The following RASGRF1 variants were observed in gnomAD, a reference collection of about 807,000 sequenced individuals.
The protein encoded by RASGRF1 is Ras protein specific guanine nucleotide releasing factor 1, also known as ras-specific guanine nucleotide-releasing factor 1.
A neutral mutation model predicts 138.7 loss-of-function variants in RASGRF1; 40 were observed. The ratio of observed to expected loss-of-function variants is 0.29; its 90% CI spans 0.22 to 0.38. The LOEUF is 0.38. Ranked by LOEUF, RASGRF1 falls within the 10% of genes least tolerant of loss-of-function variation. RASGRF1 has a pLI of 1.00. For missense variants in RASGRF1, 1,108 were observed against 1,650.4 expected (o/e 0.67, Z 5.69); for synonymous variants, 614 against 663.2 (o/e 0.93, Z 1.14).
chr15:78,962,134 G>GGGCAC lies in RASGRF1; in HGVS notation c.*9_*10insGTGCC. On this transcript the variant is annotated 3_prime_UTR_variant, in exon 27 of 27. Transcript: ENST00000558480. ...CCCCGGGAGCAGCTGGGTCTGGGCT[G>GGGCAC]GGCTCAGCTTCAGGTGGGGAGTTTT... 6.6e-7 allele frequency: 1 copy of GGGCAC among 1,519,110 alleles called. No individual in the cohort carries two copies. The highest frequency in any genetic ancestry group is 9.1e-7 in the Non-Finnish European group (1 of 1,104,340). The allele number at this position is 1,519,110 out of a possible 1,614,324, so 94.1% of individuals were successfully genotyped here. A position where few individuals can be genotyped will look rare whatever the true frequency, so the allele number is the denominator to read the frequency against.
intron 24 of RASGRF1, chr15:78,978,601 G>A (rs2055935006): frequency 1.0e-6 from 1 of 992,440 alleles, no homozygotes; most frequent in Admixed American, 5.9e-5. Context: ...ACATGGTGAG[G>A]CCCATAGCAG....
rs79589049 is a variant in RASGRF1, at chr15:78,961,861, G to C, written c.*283C>G. On this transcript the variant is annotated 3_prime_UTR_variant, in exon 27 of 27. Coordinates refer to ENST00000558480, the MANE Select transcript of RASGRF1 (RefSeq NM_001145648.3). Reference sequence around the variant, plus strand: ...TAAGATTCTTGTATGCAAGGGTGCTGTTTCCCCTCTGAGAAGAGTGAGGAG... The same window carrying C: ...TAAGATTCTTGTATGCAAGGGTGCTCTTTCCCCTCTGAGAAGAGTGAGGAG... 7.3e-3 allele frequency: 2,342 copies of C among 320,798 alleles called. 65 individuals are homozygous for C. The highest frequency in any genetic ancestry group is 0.046 in the African/African-American group (2,121 of 46,296). 19.9% of individuals were successfully genotyped at this position (320,798 alleles called of 1,614,324 possible).
chr15:79,041,342 A>T (rs1239318207), intron 5 of RASGRF1, among the ~76,000 whole-genome samples: 1 of 152,234 alleles, frequency 6.6e-6, no homozygotes, highest in Non-Finnish European at 1.5e-5. Flanking sequence ...GTGCTCCCAG[A>T]ATTGTGCAGT....
Position 78,999,686 on chromosome 15 carries a change from C to G in RASGRF1, c.2746+57G>C, listed in dbSNP as rs565393517. On this transcript the variant is annotated intron_variant, in intron 17 of 26. Transcript: ENST00000558480. ...GTCCCCGGGACCATGGCTGCTATCA[C>G]CTGCCACTGGGGCTGACCATGGGGA... is the stretch of plus-strand genomic sequence containing the variant. The G allele has an allele frequency of 1.5e-4, 241 of 1,571,732 alleles. 1 individual carries two copies. In the African/African-American group the frequency reaches 2.9e-3, roughly 19 times the overall value.
At position 78,979,794 on chromosome 15, in the gene RASGRF1, G is replaced by T. The variant is rs183398920; in HGVS notation, c.3494+826C>A. 2.6e-3 allele frequency among the ~76,000 whole-genome samples: 389 copies of T among 152,270 alleles called. 2 individuals carry two copies. Among genetic ancestry groups the T allele is most frequent in the African/African-American group, 9.1e-3 (379 of 41,586 alleles). Reference sequence around the variant, plus strand: ...GGCCATGTGGCCTTGGACCGTCCACGTGGCCTTGGACCAGACACTAGCTCT... The same window carrying T: ...GGCCATGTGGCCTTGGACCGTCCACTTGGCCTTGGACCAGACACTAGCTCT... On this transcript the variant is annotated intron_variant, in intron 24 of 26. Transcript: ENST00000558480.
Position 79,035,043 on chromosome 15 carries a change from C to T in RASGRF1, c.958+88G>A, listed in dbSNP as rs530806756. 1.8e-5 allele frequency: 21 copies of T among 1,148,374 alleles called. No individual in the cohort carries two copies. In the East Asian group the frequency reaches 4.5e-4, roughly 25 times the overall value. 71.1% of individuals were successfully genotyped at this position (1,148,374 alleles called of 1,614,324 possible). On this transcript the variant is annotated intron_variant, in intron 6 of 26. Coordinates refer to ENST00000558480, the MANE Select transcript of RASGRF1 (RefSeq NM_001145648.3). ...TTTTAAAAAGTGACACTCTATTATG[C>T]TCTAGAAGGACAAAACTGCCCCAGG...
chr15:79,024,903 C>T (rs1392094864), intron 10 of RASGRF1, among the ~76,000 whole-genome samples: 2 of 150,094 alleles, frequency 1.3e-5, no homozygotes, highest in East Asian at 3.9e-4. Context: ...CGCACACATA[C>T]ACACACACGC....
chr15:79,070,902 C>T (rs1200636238), intron 1 of RASGRF1, among the ~76,000 whole-genome samples: 1 of 152,180 alleles, frequency 6.6e-6, no homozygotes, highest in African/African-American at 2.4e-5. Context: ...GGGAAATAGA[C>T]ACAAAGTTGT....
intron 3 of RASGRF1, among the ~76,000 whole-genome samples, chr15:79,056,150 A>G (rs537418712): frequency 2.0e-5 from 3 of 152,304 alleles, no homozygotes; most frequent in African/African-American, 7.2e-5. Flanking sequence ...TCCAAACAGA[A>G]GCACCAGCAT....
Position 79,006,545 on chromosome 15 carries a change from C to T in RASGRF1, c.1827-111G>A, listed in dbSNP as rs1368497054. The T allele has an allele frequency of 7.5e-7, 1 of 1,325,402 alleles. No homozygotes were observed. The highest frequency in any genetic ancestry group is 2.4e-5 in the East Asian group (1 of 41,376). 82.1% of individuals were successfully genotyped at this position (1,325,402 alleles called of 1,614,324 possible). A position where few individuals can be genotyped will look rare whatever the true frequency, so the allele number is the denominator to read the frequency against. On this transcript the variant is annotated intron_variant, in intron 13 of 26. Coordinates refer to ENST00000558480, the MANE Select transcript of RASGRF1 (RefSeq NM_001145648.3). The surrounding 1 kb of genome is among the most constrained non-coding windows in gnomAD (Gnocchi z 4.0). ...CCACACACTGACAACACAGGATGGTCTTATTAAGAGAACAAGCTTGGGAAG... is the reference window on the plus strand; with the variant it reads ...CCACACACTGACAACACAGGATGGTTTTATTAAGAGAACAAGCTTGGGAAG...
chr15:78,993,701 G>A (rs56057581), intron 20 of RASGRF1, among the ~76,000 whole-genome samples: 39,781 of 151,816 alleles, frequency 0.26, 5,266 homozygotes, highest in African/African-American at 0.28. Context: ...CTGGGGTTGG[G>A]CTGAACTGCC....
intron 1 of RASGRF1, among the ~76,000 whole-genome samples, chr15:79,069,997 G>T (rs541473340): frequency 6.6e-6 from 1 of 152,298 alleles, no homozygotes; most frequent in South Asian, 2.1e-4. Context: ...AGCTGACACA[G>T]ACACCTGAAG....
At chr15:78,987,132 T>C (rs933353035) in intron 22 of RASGRF1, among the ~76,000 whole-genome samples, 1 of 152,174 alleles carries the variant, frequency 6.6e-6, no homozygotes, top group Non-Finnish European at 1.5e-5. Flanking sequence ...TTGTTTAATA[T>C]ACCATGACCA....
At chr15:79,081,409 T>C (rs145640779) in intron 1 of RASGRF1, among the ~76,000 whole-genome samples, 22 of 152,322 alleles carry the variant, frequency 1.4e-4, no homozygotes, top group African/African-American at 5.1e-4. Context: ...CAGATGGGTT[T>C]TCTCCTGTTC....
rs1334386708 is a variant in RASGRF1 at position 79,006,640 on chromosome 15, A to G, written c.1827-206T>C. ...AAAAACTCTCCATTATAAAACCCCTAGAAATACTGGAGAAGTATTACAAAT... is the reference window on the plus strand; with the variant it reads ...AAAAACTCTCCATTATAAAACCCCTGGAAATACTGGAGAAGTATTACAAAT... On this transcript the variant is annotated intron_variant, in intron 13 of 26. Transcript: ENST00000558480. The surrounding 1 kb of genome is among the most constrained non-coding windows in gnomAD (Gnocchi z 4.0). Among the ~76,000 whole-genome samples the G allele has an allele frequency of 6.6e-6, 1 of 152,256 alleles. No homozygotes were observed. The highest frequency in any genetic ancestry group is 1.5e-5 in the Non-Finnish European group (1 of 68,048).
intron 8 of RASGRF1, 137 bp downstream of exon 8, chr15:79,031,262 GC>G (rs2057132549): frequency 1.5e-6 from 1 of 681,330 alleles, no homozygotes; most frequent in South Asian, 1.9e-5. Context: ...TCTGCTTTGA[GC>G]TGTGGCAAGC....
chr15:78,974,160 G>A (rs1439689173), intron 24 of RASGRF1, among the ~76,000 whole-genome samples: 1 of 152,104 alleles, frequency 6.6e-6, no homozygotes, highest in Non-Finnish European at 1.5e-5. Context: ...GCGTGTTCTG[G>A]TGCCCTTGGC....
At position 78,971,829 on chromosome 15, in the gene RASGRF1, G is replaced by A. The variant is rs2055766688; in HGVS notation, c.3681+37C>T. 8.5e-6 allele frequency: 13 copies of A among 1,526,478 alleles called. No homozygotes were observed. In the East Asian group the frequency reaches 2.5e-4, roughly 29 times the overall value. 94.6% of individuals were successfully genotyped at this position (1,526,478 alleles called of 1,614,324 possible). On this transcript the variant is annotated intron_variant, in intron 26 of 26. Coordinates refer to ENST00000558480, the MANE Select transcript of RASGRF1 (RefSeq NM_001145648.3). ...AAGGTGGCCTAGACAGAGCCACTGT[G>A]AAAGCATGCAAGTGACCAGGAAAAG...
At chr15:79,049,406 A>G in intron 4 of RASGRF1, 90 bp downstream of exon 4, 1 of 1,211,812 alleles carries the variant, frequency 8.3e-7, no homozygotes, top group East Asian at 2.4e-5. Context: ...CTCTGAGGAC[A>G]GTGGGGCTGT....
Sources: gnomAD v4.1 joint callset for allele counts (sites outside exome capture counted in the v4.1 genomes callset) on GRCh38, gnomAD v4.1.1 for gene constraint, Gnocchi (gnomAD v3.1) non-coding constraint, MANE v1.5 for transcripts, NCBI Gene and HGNC (gene_info 2026-07-23, HGNC 2026-07-21) for gene names.